Variants in BMPER observed in about 807,000 individuals in gnomAD.
BMPER encodes BMP-binding endothelial regulator protein.
A neutral mutation model predicts 87.3 loss-of-function variants in BMPER; 45 were observed. The ratio of observed to expected loss-of-function variants is 0.52; its 90% CI spans 0.41 to 0.66. The LOEUF is 0.66. Ranked by LOEUF, BMPER falls within the 30% of genes least tolerant of loss-of-function variation. The pLI is 0.00. For synonymous variants in BMPER, 326 were observed against 316.2 expected (o/e 1.03, Z -0.33); for missense variants, 784 against 867.5 (o/e 0.90, Z 1.21).
intron 9 of BMPER, among the ~76,000 whole-genome samples, chr7:34,056,697 A>G (rs1156748480): frequency 6.6e-6 from 1 of 151,146 alleles, no homozygotes; most frequent in Non-Finnish European, 1.5e-5. Flanking sequence ...GGATCACTGC[A>G]ACCTCCACCT....
At chr7:34,017,896 T>G (rs1787074024) in intron 6 of BMPER, among the ~76,000 whole-genome samples, 1 of 151,220 alleles carries the variant, frequency 6.6e-6, no homozygotes, top group African/African-American at 2.4e-5. Flanking sequence ...CCACCACCTG[T>G]GTTACTCTCT....
In BMPER at chr7:33,905,747, G is replaced by A. The variant is rs1475432679; in HGVS notation, c.133+1G>A. On this transcript the variant is annotated splice_donor_variant, in intron 1 of 14. Transcript: ENST00000649409. LOFTEE classifies it high-confidence loss of function. ...TCTCTGGCTTCCTCCTTCTTGACAG[G>A]TAGGGGAGGGGGCGGGAGGGACCGG... 7.4e-7 allele frequency: 1 copy of A among 1,360,076 alleles called. No homozygotes were observed. Among genetic ancestry groups the A allele is most frequent in the Admixed American group, 1.7e-5 (1 of 58,532 alleles). 84.3% of individuals were successfully genotyped at this position (1,360,076 alleles called of 1,614,324 possible). A position where few individuals can be genotyped will look rare whatever the true frequency, so the allele number is the denominator to read the frequency against.
intron 13 of BMPER, among the ~76,000 whole-genome samples, chr7:34,108,221 C>T (rs538623492): frequency 2.0e-4 from 30 of 152,326 alleles, no homozygotes; most frequent in African/African-American, 7.0e-4. Context: ...TTTCGATATA[C>T]TGATCCCTGG....
At chr7:33,948,868 CT>C (rs1470850373) in intron 3 of BMPER, among the ~76,000 whole-genome samples, 2 of 151,958 alleles carry the variant, frequency 1.3e-5, no homozygotes, top group East Asian at 3.9e-4. Flanking sequence ...ATCATACTGC[CT>C]GTGAGATAAG....
rs185074963 is a variant in BMPER, at chr7:34,032,206, A to G, written c.577-14100A>G. ...TTAACTTTGGTGCAATACAGCAAGG[A>G]ATAGAACTGGGAATCTGAAGGAGCT... is the stretch of plus-strand genomic sequence containing the variant. On this transcript the variant is annotated intron_variant, in intron 6 of 14. Transcript: ENST00000649409. Among the ~76,000 whole-genome samples, 31 of 151,952 alleles carry G rather than the reference A, an allele frequency of 2.0e-4. 1 individual carries two copies. Among genetic ancestry groups the G allele is most frequent in the African/African-American group, 7.5e-4 (31 of 41,484 alleles).
At chr7:34,019,837 C>T (rs542765426) in intron 6 of BMPER, among the ~76,000 whole-genome samples, 28 of 151,880 alleles carry the variant, frequency 1.8e-4, no homozygotes, top group African/African-American at 6.8e-4. Context: ...AGAAGCTCTA[C>T]AGAGTAATTG....
intron 6 of BMPER, among the ~76,000 whole-genome samples, chr7:33,979,739 C>T (rs948118488): frequency 6.6e-6 from 1 of 152,182 alleles, no homozygotes; most frequent in Non-Finnish European, 1.5e-5. Flanking sequence ...TTATCCAGCT[C>T]CAATGGATGA....
chr7:34,091,604 A>G (rs773434103), intron 13 of BMPER, among the ~76,000 whole-genome samples: 1 of 152,190 alleles, frequency 6.6e-6, no homozygotes, highest in East Asian at 1.9e-4. Flanking sequence ...AACACAATGA[A>G]CATCCCTGCC....
At chr7:34,019,415 T>G (rs1461334221) in intron 6 of BMPER, among the ~76,000 whole-genome samples, 5 of 152,022 alleles carry the variant, frequency 3.3e-5, no homozygotes, top group South Asian at 2.1e-4. Flanking sequence ...ATTTTACTTC[T>G]GGGAATCAAG....
intron 3 of BMPER, among the ~76,000 whole-genome samples, chr7:33,956,218 G>T (rs1785144587): frequency 6.6e-6 from 1 of 152,102 alleles, no homozygotes; most frequent in Non-Finnish European, 1.5e-5. Context: ...TCATAAAAAT[G>T]AAAAATTGAT....
chr7:33,943,800 A>T (rs1356197958), intron 3 of BMPER, among the ~76,000 whole-genome samples: 1 of 152,016 alleles, frequency 6.6e-6, no homozygotes, highest in South Asian at 2.1e-4. Flanking sequence ...CCCACTTCAC[A>T]CTGCAACATT....
intron 6 of BMPER, among the ~76,000 whole-genome samples, chr7:33,995,728 C>G (rs918466358): frequency 6.6e-6 from 1 of 152,162 alleles, no homozygotes; most frequent in Non-Finnish European, 1.5e-5. Context: ...CTGTGTTAAT[C>G]CTTGTTGCTT....
intron 2 of BMPER, among the ~76,000 whole-genome samples, chr7:33,909,722 T>A (rs575263649): frequency 6.7e-5 from 10 of 148,644 alleles, no homozygotes; most frequent in African/African-American, 2.5e-4. Flanking sequence ...CGTCAACGTA[T>A]GCTTAAAAAA....
chr7:34,137,530 C>A (rs741305), intron 13 of BMPER, among the ~76,000 whole-genome samples: 3 of 152,096 alleles, frequency 2.0e-5, no homozygotes, highest in African/African-American at 7.2e-5. Context: ...CAGTCCTTGT[C>A]CCCCGGAAAG....
chr7:34,085,997 C>T lies in BMPER; in HGVS notation c.1650C>T (p.Val550=), dbSNP rs770285473. Residue 550 remains valine (V), a synonymous_variant, in exon 13 of 15, where the codon GTC becomes GTT. Transcript: ENST00000649409. The part of the protein sequence containing the change: ...KPVPELCQGT[V]KVKLRAHREC... ...TGCCTGAACTGTGTCAAGGGACAGT[C>T]AAGGTAAAGCTCCGGGCCCATCGAG... The T allele has an allele frequency of 4.3e-6, 7 of 1,613,976 alleles. No homozygotes were observed. Among genetic ancestry groups the T allele is most frequent in the Non-Finnish European group, 5.9e-6 (7 of 1,180,006 alleles).
intron 8 of BMPER, among the ~76,000 whole-genome samples, chr7:34,054,758 C>T (rs1257635374): frequency 6.6e-6 from 1 of 152,134 alleles, no homozygotes; most frequent in African/African-American, 2.4e-5. Flanking sequence ...CGTTAAGTTC[C>T]AAAAGGTGGC....
intron 14 of BMPER, among the ~76,000 whole-genome samples, chr7:34,148,297 C>G (rs1791082058): frequency 6.6e-6 from 1 of 152,144 alleles, no homozygotes; most frequent in African/African-American, 2.4e-5. Context: ...TCAAGTCTTC[C>G]TTGATCTCTA....
intron 7 of BMPER, among the ~76,000 whole-genome samples, chr7:34,051,081 C>A (rs778405532): frequency 6.6e-6 from 1 of 152,168 alleles, no homozygotes; most frequent in Non-Finnish European, 1.5e-5. Context: ...AGCAGATTTG[C>A]TGTTTGGCTC....
At chr7:33,936,934 CA>C (rs1784616630) in intron 2 of BMPER, among the ~76,000 whole-genome samples, 2 of 152,102 alleles carry the variant, frequency 1.3e-5, no homozygotes, top group African/African-American at 4.8e-5. Flanking sequence ...GCCCAACAGG[CA>C]AAATATGGTT....
Sources: allele counts gnomAD v4.1 joint callset (sites outside exome capture counted in the v4.1 genomes callset), GRCh38; gene constraint gnomAD v4.1.1; transcripts MANE v1.5; gene names NCBI Gene and HGNC (gene_info 2026-07-23, HGNC 2026-07-21).